CSMD1: variants seen among roughly 807,000 people sequenced by gnomAD.
CSMD1 encodes the protein CUB and sushi domain-containing protein 1.
A neutral mutation model predicts 417.5 loss-of-function variants in CSMD1; 213 were observed. The observed-to-expected ratio is 0.51, with a 90% CI of 0.46 to 0.57. CSMD1 has a LOEUF of 0.57. CSMD1 is among the 20% of genes least tolerant of loss of function. The pLI, the probability that CSMD1 is intolerant of heterozygous loss-of-function variation, is 0.00. For synonymous variants in CSMD1, 2,862 were observed against 1,736.8 expected (o/e 1.65, Z -16.11); for missense variants, 6,923 against 4,529.7 (o/e 1.53, Z -15.17).
At chr8:4,256,050 C>G (rs781779986) in intron 3 of CSMD1, among the ~76,000 whole-genome samples, 1 of 152,156 alleles carries the variant, frequency 6.6e-6, no homozygotes. Flanking sequence ...TTAGATGCAA[C>G]GATTGCATAT....
chr8:4,823,581 C>T (rs1465823768), intron 1 of CSMD1, among the ~76,000 whole-genome samples: 14 of 152,056 alleles, frequency 9.2e-5, no homozygotes, highest in Admixed American at 9.2e-4. Context: ...GTACACACAG[C>T]AAAGATGGGC....
At chr8:3,376,988 C>T (rs989200321) in intron 18 of CSMD1, among the ~76,000 whole-genome samples, 2 of 152,096 alleles carry the variant, frequency 1.3e-5, no homozygotes, top group East Asian at 3.9e-4. Flanking sequence ...TCTAACATCA[C>T]CCAAAATTTG....
chr8:3,051,229 A>C (rs1250493436), intron 50 of CSMD1, among the ~76,000 whole-genome samples: 1 of 152,256 alleles, frequency 6.6e-6, no homozygotes, highest in Non-Finnish European at 1.5e-5. Context: ...TGCATACAGC[A>C]AATGTGATGC....
chr8:4,057,845 G>C lies in CSMD1; in HGVS notation c.416-25746C>G, dbSNP rs957291362. On this transcript the variant is annotated intron_variant, in intron 3 of 69. Coordinates refer to ENST00000635120, the MANE Select transcript of CSMD1 (RefSeq NM_033225.6). ...GTTTGTCAAAGATCAGATAGTTGTA[G>C]ATATGCAGCATTATTTCTGCAGGCT... Among the ~76,000 whole-genome samples the C allele has an allele frequency of 7.9e-5, 12 of 152,296 alleles. No individual in the cohort carries two copies. The East Asian group carries it at 1.9e-3, about 25-fold the overall frequency.
At chr8:3,662,101 G>A (rs1000032082) in intron 7 of CSMD1, among the ~76,000 whole-genome samples, 22 of 152,044 alleles carry the variant, frequency 1.4e-4, no homozygotes, top group African/African-American at 5.3e-4. Flanking sequence ...ATGCTTAAAG[G>A]GACATTAGTG....
At chr8:4,051,191 CTCTGCTG>C (rs1246249792) in intron 3 of CSMD1, among the ~76,000 whole-genome samples, 150 of 15,658 alleles carry the variant, frequency 9.6e-3, no homozygotes, top group Non-Finnish European at 0.021. Flanking sequence ...TGCTGAGAAT[CTCTGCTG>C]AGAGCACAGC....
At chr8:3,738,502 C>A (rs1482554858) in intron 6 of CSMD1, among the ~76,000 whole-genome samples, 1 of 152,092 alleles carries the variant, frequency 6.6e-6, no homozygotes, top group Non-Finnish European at 1.5e-5. Flanking sequence ...AGTTTTGATC[C>A]TGGTGATCAG....
chr8:4,853,836 C>A (rs963440009), intron 1 of CSMD1, among the ~76,000 whole-genome samples: 1 of 152,186 alleles, frequency 6.6e-6, no homozygotes, highest in South Asian at 2.1e-4. Flanking sequence ...GGAGCCCACT[C>A]CTTGCAGTAG....
At chr8:4,417,242 G>C (rs1309817936) in intron 3 of CSMD1, among the ~76,000 whole-genome samples, 1 of 151,960 alleles carries the variant, frequency 6.6e-6, no homozygotes, top group Admixed American at 6.6e-5. Flanking sequence ...TTCAATGACT[G>C]AACACGTTGA....
At chr8:3,870,988 C>G (rs1805446263) in intron 5 of CSMD1, among the ~76,000 whole-genome samples, 1 of 151,632 alleles carries the variant, frequency 6.6e-6, no homozygotes, top group Non-Finnish European at 1.5e-5. Flanking sequence ...TTAATTTTTT[C>G]TCATTCAATG....
At chr8:4,193,669 C>A (rs888515389) in intron 3 of CSMD1, among the ~76,000 whole-genome samples, 1 of 152,090 alleles carries the variant, frequency 6.6e-6, no homozygotes, top group African/African-American at 2.4e-5. Context: ...CCAAACACGG[C>A]AAACCACAGC....
intron 12 of CSMD1, among the ~76,000 whole-genome samples, chr8:3,449,295 T>G (rs1477284507): frequency 2.0e-5 from 3 of 152,186 alleles, no homozygotes; most frequent in Non-Finnish European, 2.9e-5. Context: ...CTCAGCTTCT[T>G]TGCTTTTAAA....
At chr8:4,027,783 G>C (rs10088946) in intron 4 of CSMD1, among the ~76,000 whole-genome samples, 6 of 151,902 alleles carry the variant, frequency 3.9e-5, no homozygotes, top group African/African-American at 1.2e-4. Context: ...ACATAGTAAA[G>C]GCAGAAATGG....
intron 23 of CSMD1, among the ~76,000 whole-genome samples, chr8:3,311,231 G>A (rs1023944189): frequency 2.6e-5 from 4 of 152,042 alleles, no homozygotes; most frequent in Non-Finnish European, 5.9e-5. Flanking sequence ...ACATGAGATA[G>A]TCCTCCCCAC....
intron 1 of CSMD1, among the ~76,000 whole-genome samples, chr8:4,912,584 C>G (rs1211835391): frequency 6.6e-6 from 1 of 152,180 alleles, no homozygotes; most frequent in East Asian, 1.9e-4. Context: ...TGAACACTCT[C>G]AAAAGCCTGC....
chr8:4,085,301 G>C (rs570702724), intron 3 of CSMD1, among the ~76,000 whole-genome samples: 4 of 152,116 alleles, frequency 2.6e-5, no homozygotes, highest in Non-Finnish European at 5.9e-5. Context: ...TATCTAGTTA[G>C]GAAGTTTAAT....
rs573841957 is a variant in CSMD1 at position 3,814,348 on chromosome 8, A to T, written c.819-60306T>A. Among the ~76,000 whole-genome samples, 8 of 152,306 alleles carry T rather than the reference A, an allele frequency of 5.3e-5. No individual in the cohort carries two copies. The South Asian group carries it at 1.7e-3, about 32-fold the overall frequency. ...CAGAGCCAGTTATCTGACCAAGGAC[A>T]TCTTTGACTCTAGATGGCTTTACCT... On this transcript the variant is annotated intron_variant, in intron 5 of 69. Coordinates refer to ENST00000635120, the MANE Select transcript of CSMD1 (RefSeq NM_033225.6).
At chr8:3,241,368 C>T (rs1024085708) in intron 26 of CSMD1, among the ~76,000 whole-genome samples, 1 of 151,842 alleles carries the variant, frequency 6.6e-6, no homozygotes, top group Non-Finnish European at 1.5e-5. Context: ...AGTGGGTAGC[C>T]TCCATATTGA....
Position 3,586,830 on chromosome 8 carries a change from C to T in CSMD1, c.1098-570G>A, listed in dbSNP as rs544608997. Among the ~76,000 whole-genome samples the T allele has an allele frequency of 2.0e-5, 3 of 152,304 alleles. No homozygotes were observed. In the South Asian group the frequency reaches 6.3e-4, roughly 32 times the overall value. On this transcript the variant is annotated intron_variant, in intron 8 of 69. Transcript: ENST00000635120. ...TTTGTTTTGTTTTGAGACAGAGTCT[C>T]ACACTGTCACCCAGGCTGGAGTGCA...
Sources: gnomAD v4.1 joint callset for allele counts (sites outside exome capture counted in the v4.1 genomes callset) on GRCh38, gnomAD v4.1.1 for gene constraint, MANE v1.5 for transcripts, NCBI Gene and HGNC (gene_info 2026-07-23, HGNC 2026-07-21) for gene names.